The following CFAP251 variants were observed in gnomAD, a reference collection of about 807,000 sequenced individuals.
CFAP251 encodes the protein cilia and flagella associated protein 251.
In CFAP251, 93 loss-of-function variants were observed where a neutral mutation model predicts 126.7. The observed-to-expected ratio is 0.73, with a 90% confidence interval of 0.62 to 0.87. The LOEUF (loss-of-function observed/expected upper bound fraction) is 0.87. CFAP251 is among the 40% of genes least tolerant of loss of function. The pLI, the probability that CFAP251 is intolerant of heterozygous loss-of-function variation, is 0.00. For synonymous variants in CFAP251, 503 were observed against 506.9 expected, an observed-to-expected ratio of 0.99 and a Z score of 0.10; for missense variants, 1,287 against 1,389.2, an observed-to-expected ratio of 0.93 and a Z score of 1.17.
intron 19 of CFAP251, among the ~76,000 whole-genome samples, chr12:121,982,002 ATTTTTGTC>A (rs557786484): frequency 1.2e-3 from 181 of 152,238 alleles, no homozygotes; most frequent in Non-Finnish European, 2.1e-3. Context: ...GTCATCTGAT[ATTTTTGTC>A]TTTGTCATGA....
At chr12:121,944,018 T>C (rs965811909) in intron 7 of CFAP251, among the ~76,000 whole-genome samples, 2 of 152,224 alleles carry the variant, frequency 1.3e-5, no homozygotes, top group African/African-American at 2.4e-5. Context: ...AGGGAAGTTA[T>C]CATTATTGCT....
chr12:122,000,017 C>G lies in CFAP251; in HGVS notation c.3235+73C>G, dbSNP rs542656795. On this transcript the variant is annotated intron_variant, in intron 20 of 21. Transcript: ENST00000288912. Reference sequence around the variant, plus strand: ...AGTGTAGAGAACTGAGTTTGGGGAGCCAGCCCCTGTGGAGCTCCATCTTTC... The same window carrying G: ...AGTGTAGAGAACTGAGTTTGGGGAGGCAGCCCCTGTGGAGCTCCATCTTTC... The G allele has an allele frequency of 1.6e-5, 22 of 1,369,694 alleles. No homozygotes were observed. In the Admixed American group the frequency reaches 3.3e-4, roughly 20 times the overall value. The allele number at this position is 1,369,694 out of a possible 1,614,324, so 84.8% of individuals were successfully genotyped here.
intron 19 of CFAP251, among the ~76,000 whole-genome samples, chr12:121,981,316 A>T (rs374405351): frequency 5.5e-5 from 8 of 145,824 alleles, no homozygotes; most frequent in East Asian, 2.0e-4. Flanking sequence ...TACAAAAAAT[A>T]AAAAAAAAAT....
chr12:121,958,410 C>T lies in CFAP251; in HGVS notation c.1869C>T (p.Ile623=), dbSNP rs770535572. 1.2e-5 allele frequency: 20 copies of T among 1,614,104 alleles called. No homozygotes were observed. Among genetic ancestry groups the T allele is most frequent in the Admixed American group, 3.3e-5 (2 of 60,014 alleles). ...SCHPYQPLIA[I]GSICGMIKVW... is the part of the protein sequence containing the mutation. ...ACCCATATCAACCCCTCATTGCCAT[C>T]GGGAGCATCTGTGGGATGATCAAAG... The change falls in exon 12 of 22, where the codon ATC becomes ATT. Residue 623 remains isoleucine (I), a synonymous_variant. Coordinates refer to ENST00000288912, the MANE Select transcript of CFAP251 (RefSeq NM_144668.6).
In CFAP251 at chr12:121,989,860, G is replaced by A. The variant is rs1882838031; in HGVS notation, c.3007-9856G>A. Among the ~76,000 whole-genome samples the A allele has an allele frequency of 6.6e-6, 1 of 152,130 alleles. No individual in the cohort carries two copies. Among genetic ancestry groups the A allele is most frequent in the South Asian group, 2.1e-4 (1 of 4,824 alleles). ...GTGTTCCTCTCCATTTAATAGGGAG[G>A]TTGTAAAACTTAATTATAGAACATA... On this transcript the variant is annotated intron_variant, in intron 19 of 21. Transcript: ENST00000288912. The surrounding 1 kb of genome is among the most constrained non-coding windows in gnomAD (Gnocchi z 4.2).
At chr12:121,976,344 C>T (rs141740414) in intron 19 of CFAP251, among the ~76,000 whole-genome samples, 343 of 152,152 alleles carry the variant, frequency 2.3e-3, no homozygotes, top group African/African-American at 7.4e-3. Context: ...TTGATGCCTA[C>T]GCAGCCCTGG....
At position 121,940,699 on chromosome 12, in the gene CFAP251, C is replaced by A. The variant is rs568306202; in HGVS notation, c.999-1835C>A. Among the ~76,000 whole-genome samples the A allele has an allele frequency of 7.9e-5, 12 of 152,278 alleles. No homozygotes were observed. In the South Asian group the frequency reaches 2.5e-3, roughly 32 times the overall value. ...TTCTGTGCTTTGGCTGTCTTAGATA[C>A]TTGCATGTCATCTAATTCTGGGTAT... On this transcript the variant is annotated intron_variant, in intron 5 of 21. Transcript: ENST00000288912.
chr12:121,925,763 G>A (rs999875577), intron 3 of CFAP251, among the ~76,000 whole-genome samples: 19 of 152,308 alleles, frequency 1.2e-4, no homozygotes, highest in Admixed American at 5.9e-4. Flanking sequence ...GTCTCGCTTA[G>A]CCTTGGTCTC....
intron 19 of CFAP251, among the ~76,000 whole-genome samples, chr12:121,994,129 AG>A (rs1340495847): frequency 2.0e-5 from 2 of 102,144 alleles, no homozygotes; most frequent in African/African-American, 3.9e-5. Flanking sequence ...CTGCCCGGCC[AG>A]CCGCCCCGTC....
intron 17 of CFAP251, among the ~76,000 whole-genome samples, chr12:121,975,024 A>G (rs1167290365): frequency 6.6e-6 from 1 of 152,188 alleles, no homozygotes; most frequent in African/African-American, 2.4e-5. Flanking sequence ...TATCACCATA[A>G]TTAAGGCAGA....
intron 3 of CFAP251, among the ~76,000 whole-genome samples, chr12:121,925,573 C>T (rs1387310040): frequency 6.6e-6 from 1 of 152,240 alleles, no homozygotes; most frequent in East Asian, 1.9e-4. Context: ...GACAGCCTCT[C>T]TCCCACAGCT....
rs745725541 is a variant in CFAP251 at position 122,001,513 on chromosome 12, G to C, written c.3252G>C (p.Glu1084Asp). The C allele has an allele frequency of 6.2e-7, 1 of 1,614,136 alleles. No homozygotes were observed. The highest frequency in any genetic ancestry group is 1.7e-5 in the Admixed American group (1 of 60,004). The change falls in exon 21 of 22, where the codon GAG (glutamate) becomes GAC (aspartate). Residue 1084 changes from glutamate to aspartate, a missense_variant. By Grantham distance (45) the Glu-to-Asp change is conservative. Coordinates refer to ENST00000288912, the MANE Select transcript of CFAP251 (RefSeq NM_144668.6). Reference sequence around the variant, plus strand: ...GACACACAGGTGAGCATATGACGGAGGAGGAGATGTTGGATTGCTTTGCTT... The same window carrying C: ...GACACACAGGTGAGCATATGACGGACGAGGAGATGTTGGATTGCTTTGCTT... The part of the protein sequence containing the change: ...LLVTKGEHMT[E>D]EEMLDCFASL...
At chr12:121,948,856 T>G in intron 7 of CFAP251, 128 bp from the exon 8 acceptor site, 1 of 535,780 alleles carries the variant, frequency 1.9e-6, no homozygotes, top group Non-Finnish European at 3.2e-6. Flanking sequence ...TTTTACGAAA[T>G]GCGGTATCTT....
At chr12:121,938,245 G>T (rs995421606) in intron 5 of CFAP251, among the ~76,000 whole-genome samples, 1 of 151,750 alleles carries the variant, frequency 6.6e-6, no homozygotes, top group African/African-American at 2.4e-5. Context: ...AGGCACAAGT[G>T]ATCCGTCTGC....
chr12:121,958,366 A>G lies in CFAP251; in HGVS notation c.1825A>G (p.Ile609Val). ...GTTATTTGTAGAGCCCAAGGATGCCATTTGTGCCATCTCCTGCCACCCATA... is the reference window on the plus strand; with the variant it reads ...GTTATTTGTAGAGCCCAAGGATGCCGTTTGTGCCATCTCCTGCCACCCATA... The part of the protein sequence containing the change: ...EKLFVEPKDA[I>V]CAISCHPYQP... Residue 609 changes from isoleucine to valine, a missense_variant, in exon 12 of 22, where the codon ATT becomes GTT. Coordinates refer to ENST00000288912, the MANE Select transcript of CFAP251 (RefSeq NM_144668.6). 6.2e-7 allele frequency: 1 copy of G among 1,614,232 alleles called. No individual in the cohort carries two copies. The highest frequency in any genetic ancestry group is 8.5e-7 in the Non-Finnish European group (1 of 1,180,042).
intron 19 of CFAP251, among the ~76,000 whole-genome samples, chr12:121,981,541 AT>A (rs1882622784): frequency 2.0e-5 from 3 of 152,198 alleles, no homozygotes; most frequent in Non-Finnish European, 4.4e-5. Flanking sequence ...CCCATGGGTT[AT>A]TCTGAAGCAA....
rs1157928200 is a variant in CFAP251 at position 121,921,545 on chromosome 12, G to C, written c.240G>C (p.Lys80Asn). ...TTGTCATGGAAGAAACTGAGGAAAA[G>C]GCTGGAGAAGTCCAAGAGAAGGAGG... ...KKIVMEETEE[K>N]AGEVQEKEAS... The change falls in exon 2 of 22, where the codon AAG (lysine) becomes AAC (asparagine). Residue 80 changes from lysine (K) to asparagine (N), a missense_variant. Transcript: ENST00000288912. 1.9e-6 allele frequency: 3 copies of C among 1,613,676 alleles called. No individual in the cohort carries two copies. Among genetic ancestry groups the C allele is most frequent in the African/African-American group, 2.7e-5 (2 of 74,784 alleles).
At chr12:121,971,344 G>T (rs892533622) in intron 17 of CFAP251, among the ~76,000 whole-genome samples, 7 of 152,236 alleles carry the variant, frequency 4.6e-5, no homozygotes, top group African/African-American at 1.4e-4. Flanking sequence ...AGAATACCCA[G>T]GTTCCTCAGA....
intron 2 of CFAP251, 109 bp downstream of exon 2, chr12:121,921,792 CTTTT>C (rs3040015): frequency 3.0e-5 from 24 of 796,810 alleles, no homozygotes; most frequent in South Asian, 1.4e-4. Flanking sequence ...CAATCCATTC[CTTTT>C]TTTTTTTTTT....
Sources: allele counts gnomAD v4.1 joint callset (sites outside exome capture counted in the v4.1 genomes callset), GRCh38; gene constraint gnomAD v4.1.1; non-coding constraint Gnocchi (gnomAD v3.1); transcripts MANE v1.5; gene names NCBI Gene and HGNC (gene_info 2026-07-23, HGNC 2026-07-21).